Variants in ZNF717 observed in about 807,000 individuals in gnomAD.
ZNF717 encodes zinc finger protein 717.
ZNF717 carries 9 observed loss-of-function variants against 13.8 expected under a neutral mutation model. The ratio of observed to expected loss-of-function variants is 0.65; its 90% CI spans 0.39 to 1.14. The LOEUF is 1.14. Among genes scored for constraint, ZNF717 ranks in the 50% most tolerant of loss-of-function variants. The pLI, the probability that ZNF717 is intolerant of heterozygous loss-of-function variation, is 0.01. For synonymous variants in ZNF717, 327 were observed against 364.1 expected, an observed-to-expected ratio of 0.90 and a Z score of 1.16; for missense variants, 1,040 against 1,080.7, an observed-to-expected ratio of 0.96 and a Z score of 0.53.
chr3:75,703,542 T>TAAATAAATAAATA (rs1553651651), intron 6 of ZNF717, among the ~76,000 whole-genome samples: 3 of 148,006 alleles, frequency 2.0e-5, no homozygotes, highest in African/African-American at 7.5e-5. Context: ...ATAATAATAA[T>TAAATAAATAAATA]AATAAATAAA....
At chr3:75,730,662 C>G in intron 5 of ZNF717, 2 of 699,598 alleles carry the variant, frequency 2.9e-6, no homozygotes, top group South Asian at 3.0e-5. Context: ...TCAATGGTAC[C>G]TGAATCCATC....
intron 2 of ZNF717, among the ~76,000 whole-genome samples, chr3:75,773,203 A>G (rs1944033270): frequency 6.6e-6 from 1 of 152,250 alleles, no homozygotes; most frequent in Admixed American, 6.5e-5. Context: ...GGTAGGAAAA[A>G]AAAAATCATT....
intron 2 of ZNF717, among the ~76,000 whole-genome samples, chr3:75,744,266 C>T (rs77591387): frequency 2.6e-5 from 4 of 152,246 alleles, no homozygotes; most frequent in Non-Finnish European, 5.9e-5. Flanking sequence ...TTTAGAAACA[C>T]CTTCCAGGTT....
chr3:75,703,729 C>T (rs1340602097), intron 6 of ZNF717, among the ~76,000 whole-genome samples: 2 of 152,296 alleles, frequency 1.3e-5, no homozygotes, highest in South Asian at 2.1e-4. Context: ...AAACAAAATG[C>T]ACAAAGTTCC....
At chr3:75,741,841 C>A in intron 2 of ZNF717, 105 bp from the exon 3 acceptor site, 2 of 1,462,720 alleles carry the variant, frequency 1.4e-6, no homozygotes, top group Non-Finnish European at 1.8e-6. Flanking sequence ...AAGTGCACAG[C>A]CACATCTTCA....
chr3:75,760,649 G>C (rs1490597986), intron 2 of ZNF717, among the ~76,000 whole-genome samples: 3 of 152,008 alleles, frequency 2.0e-5, no homozygotes, highest in African/African-American at 7.3e-5. Context: ...AAATTGAAAA[G>C]AAGCGAGATC....
chr3:75,699,614 A>C, intron 6 of ZNF717, among the ~76,000 whole-genome samples: 1 of 152,308 alleles, frequency 6.6e-6, no homozygotes, highest in Non-Finnish European at 1.5e-5. Context: ...TCACCTTGTC[A>C]GTTGTCAGAG....
downstream of ZNF717, among the ~76,000 whole-genome samples, chr3:75,707,393 T>A (rs1361133694): frequency 1.3e-5 from 2 of 152,286 alleles, no homozygotes; most frequent in Non-Finnish European, 2.9e-5. Flanking sequence ...GTTGTCTCCA[T>A]ACACCTCATT....
chr3:75,765,002 T>TATATATATATAG (rs1943334119), intron 2 of ZNF717, among the ~76,000 whole-genome samples: 7 of 15,806 alleles, frequency 4.4e-4, no homozygotes, highest in African/African-American at 1.4e-3. Context: ...TATATATATA[T>TATATATATATAG]ATATATATAT....
chr3:75,755,300 GTATT>G (rs1275803103), intron 2 of ZNF717, among the ~76,000 whole-genome samples: 2 of 125,200 alleles, frequency 1.6e-5, no homozygotes, highest in African/African-American at 5.8e-5. Context: ...AAAAACTTAT[GTATT>G]TATTCTTAAT....
intron 5 of ZNF717, among the ~76,000 whole-genome samples, chr3:75,716,263 T>G (rs1938050035): frequency 6.6e-6 from 1 of 152,038 alleles, no homozygotes; most frequent in Non-Finnish European, 1.5e-5. Flanking sequence ...CACAAAAATT[T>G]TAACCTAGAC....
At chr3:75,703,843 A>G (rs1161751418) in intron 6 of ZNF717, among the ~76,000 whole-genome samples, 4 of 152,312 alleles carry the variant, frequency 2.6e-5, no homozygotes, top group African/African-American at 4.8e-5. Flanking sequence ...CTCTATCTTA[A>G]TATGAGTAGC....
chr3:75,741,808 C>T (rs80027640), intron 2 of ZNF717, 72 bp from the exon 3 acceptor site: 124 of 1,285,956 alleles, frequency 9.6e-5, no homozygotes, highest in Non-Finnish European at 1.1e-4. Context: ...GCATCATCCA[C>T]GTCCTGCCAC....
chr3:75,785,243 G>T (rs796143558), intron 1 of ZNF717, 141 bp downstream of exon 1: 5 of 152,304 alleles, frequency 3.3e-5, no homozygotes, highest in African/African-American at 9.6e-5. Flanking sequence ...CTCCCTCAGC[G>T]GCAGGACAGG....
chr3:75,716,224 C>A (rs1241206599), intron 5 of ZNF717, among the ~76,000 whole-genome samples: 2 of 151,142 alleles, frequency 1.3e-5, no homozygotes, highest in Non-Finnish European at 2.9e-5. Context: ...CCTGATCCAC[C>A]CACCTTGGCC....
intron 2 of ZNF717, among the ~76,000 whole-genome samples, chr3:75,752,324 A>G (rs1575841940): frequency 7.1e-6 from 1 of 140,740 alleles, no homozygotes; most frequent in Non-Finnish European, 1.6e-5. Flanking sequence ...TGTCCCTCAC[A>G]TAGGATTCCA....
chr3:75,704,549 C>T (rs1937762230), intron 6 of ZNF717, among the ~76,000 whole-genome samples: 1 of 152,306 alleles, frequency 6.6e-6, no homozygotes, highest in Non-Finnish European at 1.5e-5. Context: ...GTTAGAGGCC[C>T]AGGGGCATCA....
intron 6 of ZNF717, among the ~76,000 whole-genome samples, chr3:75,694,789 T>A (rs1329909421): frequency 6.6e-6 from 1 of 152,240 alleles, no homozygotes; most frequent in Non-Finnish European, 1.5e-5. Flanking sequence ...TAAAATCATG[T>A]ATTATATTGT....
chr3:75,774,889 G>A (rs1177437776), intron 2 of ZNF717, among the ~76,000 whole-genome samples: 1 of 152,148 alleles, frequency 6.6e-6, no homozygotes, highest in Non-Finnish European at 1.5e-5. Flanking sequence ...AAAGTGCTGG[G>A]ATTACAGGCG....
Sources: gnomAD v4.1 joint callset for allele counts (sites outside exome capture counted in the v4.1 genomes callset) on GRCh38, gnomAD v4.1.1 for gene constraint, MANE v1.5 for transcripts, NCBI Gene and HGNC (gene_info 2026-07-23, HGNC 2026-07-21) for gene names.